Variants in TBC1D4 observed in about 807,000 individuals in gnomAD.
The protein encoded by TBC1D4 is TBC1 domain family member 4.
A neutral mutation model predicts 142.5 loss-of-function variants in TBC1D4; 121 were observed. That is an observed-to-expected ratio of 0.85 (90% CI 0.73 to 0.99). TBC1D4 has a LOEUF of 0.99. TBC1D4 is among the 50% of genes least tolerant of loss of function. The pLI is 0.00. For missense variants in TBC1D4, 1,475 were observed against 1,606.6 expected, an observed-to-expected ratio of 0.92 and a Z score of 1.40; for synonymous variants, 630 against 628.2, an observed-to-expected ratio of 1.00 and a Z score of -0.04.
chr13:75,308,428 G>T (rs572674336), intron 14 of TBC1D4, among the ~76,000 whole-genome samples: 30 of 152,290 alleles, frequency 2.0e-4, no homozygotes, highest in African/African-American at 7.2e-4. Context: ...TGCTCTGCCA[G>T]TATGTCACTA....
chr13:75,370,376 C>T (rs1298270736), intron 1 of TBC1D4, among the ~76,000 whole-genome samples: 1 of 152,156 alleles, frequency 6.6e-6, no homozygotes, highest in Non-Finnish European at 1.5e-5. Context: ...ATCTAAGTTG[C>T]TTTCAAAAGA....
intron 1 of TBC1D4, among the ~76,000 whole-genome samples, chr13:75,426,434 G>A (rs557968463): frequency 6.6e-6 from 1 of 152,268 alleles, no homozygotes; most frequent in South Asian, 2.1e-4. Flanking sequence ...AATGGGAGGA[G>A]GTCAACCCTA....
intron 1 of TBC1D4, among the ~76,000 whole-genome samples, chr13:75,385,415 C>T (rs1466314265): frequency 1.3e-5 from 2 of 152,186 alleles, no homozygotes; most frequent in African/African-American, 4.8e-5. Flanking sequence ...CCTCCTAGAT[C>T]ACAATACTAA....
Position 75,341,561 on chromosome 13 carries a change from C to T in TBC1D4, c.1435G>A (p.Val479Met), listed in dbSNP as rs1223505392. The T allele has an allele frequency of 6.2e-7, 1 of 1,613,946 alleles. No individual in the cohort carries two copies. Among genetic ancestry groups the T allele is most frequent in the South Asian group, 1.1e-5 (1 of 91,032 alleles). Residue 479 changes from valine (V) to methionine (M), a missense_variant, in exon 6 of 21, where the codon GTG (valine) becomes ATG (methionine). By Grantham distance (21) the Val-to-Met change is conservative (BLOSUM62 1). Coordinates refer to ENST00000377636, the MANE Select transcript of TBC1D4 (RefSeq NM_014832.5). ...EGLYPPRAKL[V>M]IQRHLSSLTD... ...AGTGATGAGAGATGCCTCTGTATCA[C>T]CAGCTTGGCTCTTGGTGGGTAGAGA... is the stretch of plus-strand genomic sequence containing the variant.
chr13:75,473,916 G>T (rs1378523639), intron 1 of TBC1D4, among the ~76,000 whole-genome samples: 1 of 152,022 alleles, frequency 6.6e-6, no homozygotes. Flanking sequence ...TTTAAATGTA[G>T]ATCCTAATGA....
chr13:75,354,140 A>G (rs982985782), intron 4 of TBC1D4, among the ~76,000 whole-genome samples: 2 of 152,226 alleles, frequency 1.3e-5, no homozygotes, highest in Non-Finnish European at 2.9e-5. Flanking sequence ...ACATATGTGA[A>G]GAAGGTCATG....
intron 1 of TBC1D4, among the ~76,000 whole-genome samples, chr13:75,412,142 C>T (rs1885700167): frequency 6.6e-6 from 1 of 152,160 alleles, no homozygotes; most frequent in Non-Finnish European, 1.5e-5. Context: ...GAAGTTTGGG[C>T]TATACCCTCC....
chr13:75,379,253 TACAC>T (rs1292633137), intron 1 of TBC1D4, among the ~76,000 whole-genome samples: 2 of 151,758 alleles, frequency 1.3e-5, no homozygotes, highest in Middle Eastern at 3.4e-3. Flanking sequence ...TTTTTATACA[TACAC>T]ACATGCACAC....
intron 1 of TBC1D4, among the ~76,000 whole-genome samples, chr13:75,441,946 T>G (rs772010134): frequency 2.0e-5 from 3 of 152,254 alleles, no homozygotes; most frequent in African/African-American, 7.2e-5. Flanking sequence ...ATGGTGTAGC[T>G]GCACTCAATG....
chr13:75,370,338 G>A (rs1883157571), intron 1 of TBC1D4, among the ~76,000 whole-genome samples: 1 of 152,308 alleles, frequency 6.6e-6, no homozygotes, highest in Non-Finnish European at 1.5e-5. Context: ...CCCTGGTACA[G>A]TGCAGTGCTC....
chr13:75,327,866 A>G (rs770021164), intron 8 of TBC1D4, 40 bp from the exon 9 acceptor site: 4 of 1,600,520 alleles, frequency 2.5e-6, no homozygotes, highest in Admixed American at 1.7e-5. Context: ...CGTGTGATTT[A>G]AAATTTTACT....
At chr13:75,292,324 A>G (rs1875397685) in intron 18 of TBC1D4, 53 bp from the exon 19 acceptor site, 1 of 1,464,310 alleles carries the variant, frequency 6.8e-7, no homozygotes, top group African/African-American at 1.4e-5. Flanking sequence ...CACTCTTGTA[A>G]AAAGCACGCT....
intron 3 of TBC1D4, among the ~76,000 whole-genome samples, chr13:75,357,494 A>T (rs966641932): frequency 1.3e-5 from 2 of 152,096 alleles, no homozygotes; most frequent in African/African-American, 2.4e-5. Context: ...CCCCAACTCC[A>T]GCCACACTGG....
chr13:75,458,516 A>G (rs954417393), intron 1 of TBC1D4, among the ~76,000 whole-genome samples: 7 of 152,204 alleles, frequency 4.6e-5, no homozygotes, highest in Non-Finnish European at 2.9e-5. Context: ...ATTTAAGGCC[A>G]TGGGTTTCTA....
intron 1 of TBC1D4, among the ~76,000 whole-genome samples, chr13:75,391,563 T>G (rs1026911629): frequency 6.6e-6 from 1 of 152,216 alleles, no homozygotes. Flanking sequence ...CACTTCACTG[T>G]GCTAGGTTTT....
At chr13:75,365,669 T>C (rs149208466) in intron 1 of TBC1D4, among the ~76,000 whole-genome samples, 1 of 152,346 alleles carries the variant, frequency 6.6e-6, no homozygotes, top group Non-Finnish European at 1.5e-5. Flanking sequence ...GTTGAACGAA[T>C]TTGAATCCTT....
chr13:75,464,279 C>T (rs905287927), intron 1 of TBC1D4, among the ~76,000 whole-genome samples: 3 of 152,192 alleles, frequency 2.0e-5, no homozygotes, highest in South Asian at 2.1e-4. Flanking sequence ...GGCCATGACG[C>T]CCACGCTGAA....
At chr13:75,329,655 T>C (rs1432206319) in intron 8 of TBC1D4, among the ~76,000 whole-genome samples, 1 of 152,118 alleles carries the variant, frequency 6.6e-6, no homozygotes, top group Non-Finnish European at 1.5e-5. Context: ...AATTCCTCAT[T>C]TGGGTGAGGC....
At chr13:75,458,573 G>C (rs1887835463) in intron 1 of TBC1D4, among the ~76,000 whole-genome samples, 2 of 152,156 alleles carry the variant, frequency 1.3e-5, no homozygotes, top group South Asian at 4.1e-4. Flanking sequence ...CTTTTACCTA[G>C]TATTTCCCTG....
Sources: allele counts gnomAD v4.1 joint callset (sites outside exome capture counted in the v4.1 genomes callset), GRCh38; gene constraint gnomAD v4.1.1; transcripts MANE v1.5; gene names NCBI Gene and HGNC (gene_info 2026-07-23, HGNC 2026-07-21).